Variants in TNRC18 observed in about 807,000 individuals in gnomAD.
TNRC18 encodes trinucleotide repeat-containing gene 18 protein.
In TNRC18, 69 loss-of-function variants were observed where a neutral mutation model predicts 226.7. The ratio of observed to expected loss-of-function variants is 0.30; its 90% CI spans 0.25 to 0.37. TNRC18 has a LOEUF of 0.37. TNRC18 is among the 10% of genes least tolerant of loss of function. TNRC18 has a pLI of 1.00. For missense variants in TNRC18, 4,754 were observed against 4,256.6 expected, an observed-to-expected ratio of 1.12 and a Z score of -3.25; for synonymous variants, 2,449 against 1,927.6, an observed-to-expected ratio of 1.27 and a Z score of -7.09.
In TNRC18 at chr7:5,324,822, G is replaced by C. The variant is rs1788730615; in HGVS notation, c.6300+274C>G. Among the ~76,000 whole-genome samples the C allele has an allele frequency of 6.6e-6, 1 of 152,186 alleles. No homozygotes were observed. Among genetic ancestry groups the C allele is most frequent in the African/African-American group, 2.4e-5 (1 of 41,444 alleles). On this transcript the variant is annotated intron_variant, in intron 20 of 29. Coordinates refer to ENST00000430969, the MANE Select transcript of TNRC18 (RefSeq NM_001080495.3). This position sits in a 1 kb window ranked among gnomAD's most constrained non-coding sequence, Gnocchi z 4.8. ...GAGGGCCCTGTGAGGACCTGGTGCT[G>C]GGCTGGGGGCCTGTCACCCAGGTCT...
chr7:5,378,599 T>C (rs1392342640), intron 5 of TNRC18, among the ~76,000 whole-genome samples: 2 of 151,736 alleles, frequency 1.3e-5, no homozygotes, highest in African/African-American at 2.4e-5. Context: ...TTTGTATTTT[T>C]AGTAGAGACG....
chr7:5,315,557 G>A (rs986910678), intron 25 of TNRC18, among the ~76,000 whole-genome samples: 5 of 152,064 alleles, frequency 3.3e-5, no homozygotes, highest in African/African-American at 1.2e-4. Context: ...CTGAGCAGCT[G>A]GGACTACAGG....
intron 16 of TNRC18, among the ~76,000 whole-genome samples, chr7:5,353,123 C>A (rs1792002129): frequency 2.0e-5 from 3 of 152,214 alleles, no homozygotes; most frequent in African/African-American, 7.2e-5. Context: ...GGCTACCAGC[C>A]CCTGCCCATC....
rs907961969 is a variant in TNRC18, at chr7:5,388,544, C to A, written c.1280G>T (p.Arg427Leu). 1.5e-6 allele frequency: 2 copies of A among 1,314,218 alleles called. No homozygotes were observed. Among genetic ancestry groups the A allele is most frequent in the African/African-American group, 1.6e-5 (1 of 62,916 alleles). The allele number at this position is 1,314,218 out of a possible 1,614,324, so 81.4% of individuals were successfully genotyped here. A position where few individuals can be genotyped will look rare whatever the true frequency, so the allele number is the denominator to read the frequency against. Residue 427 changes from arginine (R) to leucine (L), a missense_variant, in exon 5 of 30, where the codon CGC becomes CTC. Transcript: ENST00000430969. ...PRPLDRPEGL[R>L]EKNSVIRSLK... ...CGAGCGGATGACCGAGTTCTTCTCG[C>A]GCAGGCCCTCGGGCCGGTCCAGAGG...
chr7:5,329,376 T>C (rs552069398), intron 19 of TNRC18, among the ~76,000 whole-genome samples: 2 of 150,896 alleles, frequency 1.3e-5, no homozygotes, highest in African/African-American at 2.4e-5. Flanking sequence ...TAACACAGAC[T>C]GAACTAAGTC....
At chr7:5,358,882 T>A (rs1792737337) in intron 15 of TNRC18, among the ~76,000 whole-genome samples, 1 of 152,066 alleles carries the variant, frequency 6.6e-6, no homozygotes, top group Non-Finnish European at 1.5e-5. Context: ...GCAAGGTACA[T>A]TAGTATTTAC....
At chr7:5,357,412 ATATT>A (rs757853308) in intron 15 of TNRC18, 136 bp from the exon 16 acceptor site, 160 of 993,870 alleles carry the variant, frequency 1.6e-4, no homozygotes, top group Middle Eastern at 9.6e-4. Flanking sequence ...GCACGCATAT[ATATT>A]TATTTTTTTT....
At chr7:5,359,655 G>T (rs1240101842) in intron 14 of TNRC18, 86 bp from the exon 15 acceptor site, 14 of 1,526,166 alleles carry the variant, frequency 9.2e-6, no homozygotes, top group Non-Finnish European at 1.3e-5. Context: ...TGAAGGGTTG[G>T]GCTCTGGACC....
Position 5,307,959 on chromosome 7 carries a change from G to C in TNRC18, c.*147C>G, listed in dbSNP as rs999982958. Reference sequence around the variant, plus strand: ...ACGTGCATGCACACACACTCACCCGGGCATCCACGTGCACACCTGGCCCCA... The same window carrying C: ...ACGTGCATGCACACACACTCACCCGCGCATCCACGTGCACACCTGGCCCCA... On this transcript the variant is annotated 3_prime_UTR_variant, in exon 30 of 30. Transcript: ENST00000430969. 5.8e-6 allele frequency: 4 copies of C among 695,104 alleles called. No homozygotes were observed. Among genetic ancestry groups the C allele is most frequent in the Non-Finnish European group, 9.6e-6 (4 of 416,272 alleles). 43.1% of individuals were successfully genotyped at this position (695,104 alleles called of 1,614,324 possible). A position where few individuals can be genotyped will look rare whatever the true frequency, so the allele number is the denominator to read the frequency against.
chr7:5,389,311 C>A lies in TNRC18; in HGVS notation c.513G>T (p.Gly171=). ...CGTGAGAGTGCAGGGAGCCCGGAGC[C>A]CCCGCGGTGGGCAGGTAGAAACCGT... is the stretch of plus-strand genomic sequence containing the variant. ...GGDGFYLPTA[G]APGSLHSHAP... The change falls in exon 5 of 30, where the codon GGG becomes GGT. Residue 171 remains glycine (G), a synonymous_variant. Transcript: ENST00000430969. 7.8e-7 allele frequency: 1 copy of A among 1,279,846 alleles called. No homozygotes were observed. Among genetic ancestry groups the A allele is most frequent in the East Asian group, 3.1e-5 (1 of 32,608 alleles). 79.3% of individuals were successfully genotyped at this position (1,279,846 alleles called of 1,614,324 possible). A position where few individuals can be genotyped will look rare whatever the true frequency, so the allele number is the denominator to read the frequency against.
rs1205948971 is a variant in TNRC18, at chr7:5,306,867, A to AAAAG, written c.*1235_*1238dup. Reference sequence around the variant, plus strand: ...AGAATTTGCCAACAAACAAAATTCCAAAAGAAACATAAAAAAAAAAACCAA... The same window carrying AAAAG: ...AGAATTTGCCAACAAACAAAATTCCAAAAGAAAGAAACATAAAAAAAAAAACCAA... On this transcript the variant is annotated 3_prime_UTR_variant, in exon 30 of 30. Coordinates refer to ENST00000430969, the MANE Select transcript of TNRC18 (RefSeq NM_001080495.3). The AAAAG allele has an allele frequency of 8.9e-6, 1 of 112,594 alleles. No homozygotes were observed. Among genetic ancestry groups the AAAAG allele is most frequent in the Non-Finnish European group, 1.7e-5 (1 of 57,352 alleles). 7.0% of individuals were successfully genotyped at this position (112,594 alleles called of 1,614,324 possible). A position where few individuals can be genotyped will look rare whatever the true frequency, so the allele number is the denominator to read the frequency against.
intron 2 of TNRC18, among the ~76,000 whole-genome samples, chr7:5,416,087 G>A (rs1318469726): frequency 6.8e-6 from 1 of 147,500 alleles, no homozygotes; most frequent in Admixed American, 6.9e-5. Flanking sequence ...ACTCCAGCCT[G>A]GGCGACAGAG....
intron 16 of TNRC18, among the ~76,000 whole-genome samples, chr7:5,355,952 G>A (rs1028524484): frequency 3.9e-5 from 6 of 152,116 alleles, no homozygotes; most frequent in Admixed American, 6.5e-5. Flanking sequence ...ATCACCTGAG[G>A]TCAGGAGTTT....
At chr7:5,346,676 T>C (rs568965439) in intron 17 of TNRC18, among the ~76,000 whole-genome samples, 128 of 152,228 alleles carry the variant, frequency 8.4e-4, no homozygotes, top group African/African-American at 3.0e-3. Flanking sequence ...AAAAATTAAG[T>C]TGACTCCTAG....
chr7:5,353,473 C>T (rs559308907), intron 16 of TNRC18, among the ~76,000 whole-genome samples: 3 of 150,140 alleles, frequency 2.0e-5, no homozygotes, highest in African/African-American at 7.4e-5. Context: ...GTGGGAGGAT[C>T]ACTTGAACCC....
chr7:5,352,493 C>T (rs915746707), intron 16 of TNRC18, among the ~76,000 whole-genome samples: 7 of 152,220 alleles, frequency 4.6e-5, no homozygotes, highest in Non-Finnish European at 8.8e-5. Context: ...CGCAGAGGAC[C>T]TGACTCAGGA....
chr7:5,400,747 T>C (rs1781028236), intron 2 of TNRC18, among the ~76,000 whole-genome samples: 1 of 151,930 alleles, frequency 6.6e-6, no homozygotes, highest in Non-Finnish European at 1.5e-5. Flanking sequence ...ATGAAAAAAA[T>C]GCAAGCTGTA....
intron 5 of TNRC18, among the ~76,000 whole-genome samples, chr7:5,383,325 T>A (rs1779528904): frequency 1.3e-5 from 2 of 152,114 alleles, no homozygotes; most frequent in African/African-American, 4.8e-5. Flanking sequence ...AGGCCAGACC[T>A]AGATCCTATG....
chr7:5,346,630 G>A (rs891849233), intron 17 of TNRC18, among the ~76,000 whole-genome samples: 1 of 151,700 alleles, frequency 6.6e-6, no homozygotes, highest in Non-Finnish European at 1.5e-5. Context: ...GCAACGCAGA[G>A]TCCCCGTGAC....
Sources: allele counts gnomAD v4.1 joint callset (sites outside exome capture counted in the v4.1 genomes callset), GRCh38; gene constraint gnomAD v4.1.1; non-coding constraint Gnocchi (gnomAD v3.1); transcripts MANE v1.5; gene names NCBI Gene and HGNC (gene_info 2026-07-23, HGNC 2026-07-21).